The following CDK8 variants were observed in gnomAD, a reference collection of about 807,000 sequenced individuals.
CDK8 encodes cyclin dependent kinase 8, also known as cyclin-dependent kinase 8.
A neutral mutation model predicts 71.5 loss-of-function variants in CDK8; 29 were observed. That is an observed-to-expected ratio of 0.41 (90% CI 0.30 to 0.55). The LOEUF (loss-of-function observed/expected upper bound fraction) is 0.55, where lower values mean the gene tolerates loss of function less well. Among genes scored for constraint, CDK8 ranks in the 20% least tolerant of loss-of-function variants. The pLI is 0.37. For missense variants in CDK8, 288 were observed against 572.6 expected (o/e 0.50, Z 5.07); for synonymous variants, 161 against 192.1 (o/e 0.84, Z 1.34).
intron 1 of CDK8, among the ~76,000 whole-genome samples, chr13:26,333,398 C>T (rs1173838732): frequency 6.6e-6 from 1 of 152,072 alleles, no homozygotes; most frequent in Non-Finnish European, 1.5e-5. Context: ...CCTTGGCCTC[C>T]CAAAGTGCTG....
intron 4 of CDK8, among the ~76,000 whole-genome samples, chr13:26,365,352 T>G (rs2138018326): frequency 6.6e-6 from 1 of 152,304 alleles, no homozygotes; most frequent in East Asian, 1.9e-4. Flanking sequence ...TTTGGGTACA[T>G]GCCACATTTG....
At chr13:26,364,574 C>A (rs73160340) in intron 4 of CDK8, among the ~76,000 whole-genome samples, 5,860 of 152,086 alleles carry the variant, frequency 0.039, 147 homozygotes, top group Non-Finnish European at 0.054. Context: ...TCCTTCTATA[C>A]CTTTCAAATT....
chr13:26,396,282 C>T lies in CDK8; in HGVS notation c.791-3C>T. The T allele has an allele frequency of 1.6e-6, 2 of 1,274,204 alleles. No homozygotes were observed. Among genetic ancestry groups the T allele is most frequent in the Non-Finnish European group, 2.2e-6 (2 of 912,636 alleles). The allele number at this position is 1,274,204 out of a possible 1,614,324, so 78.9% of individuals were successfully genotyped here. A position where few individuals can be genotyped will look rare whatever the true frequency, so the allele number is the denominator to read the frequency against. On this transcript the variant is annotated splice_region_variant and splice_polypyrimidine_tract_variant and intron_variant, in intron 7 of 12. Transcript: ENST00000381527. ...CATAAAAATTTATCAATGTATTTCA[C>T]AGATAAAGATTGGGAAGATATAAAA...
chr13:26,284,140 T>C (rs1282954713), intron 1 of CDK8, among the ~76,000 whole-genome samples: 1 of 152,174 alleles, frequency 6.6e-6, no homozygotes, highest in Non-Finnish European at 1.5e-5. Context: ...ATAGCAAATG[T>C]GGTGCTGAGA....
intron 9 of CDK8, 139 bp from the exon 10 acceptor site, chr13:26,400,314 T>G: frequency 1.6e-6 from 1 of 629,034 alleles, no homozygotes; most frequent in Non-Finnish European, 2.9e-6. Flanking sequence ...CAACTAGGAG[T>G]TTTGTTGTTA....
chr13:26,352,939 A>C (rs1248318589), intron 3 of CDK8, among the ~76,000 whole-genome samples: 1 of 152,208 alleles, frequency 6.6e-6, no homozygotes, highest in Non-Finnish European at 1.5e-5. Flanking sequence ...TGTATTGGCC[A>C]AGGGTCTGCT....
intron 2 of CDK8, among the ~76,000 whole-genome samples, chr13:26,348,135 T>C (rs1338668458): frequency 2.6e-5 from 4 of 152,002 alleles, no homozygotes; most frequent in Non-Finnish European, 5.9e-5. Flanking sequence ...TATTTATCCA[T>C]AAAGAATGAA....
intron 6 of CDK8, among the ~76,000 whole-genome samples, chr13:26,386,627 A>G (rs1200682358): frequency 6.6e-6 from 1 of 152,194 alleles, no homozygotes; most frequent in Non-Finnish European, 1.5e-5. Context: ...GTTCTCATGT[A>G]AATTCCTTTG....
At chr13:26,302,885 A>G (rs546643924) in intron 1 of CDK8, among the ~76,000 whole-genome samples, 2 of 152,218 alleles carry the variant, frequency 1.3e-5, no homozygotes, top group African/African-American at 2.4e-5. Context: ...TGTTTTGTTT[A>G]GAGCTGGGAT....
chr13:26,270,233 AC>A (rs1440056959), intron 1 of CDK8, among the ~76,000 whole-genome samples: 1 of 152,044 alleles, frequency 6.6e-6, no homozygotes, highest in Non-Finnish European at 1.5e-5. Flanking sequence ...TACTAAAAAT[AC>A]GAAAATTAGC....
chr13:26,374,521 CTT>C (rs991892577), intron 4 of CDK8, among the ~76,000 whole-genome samples: 12 of 151,938 alleles, frequency 7.9e-5, no homozygotes, highest in African/African-American at 2.4e-4. Flanking sequence ...TAAAAACACT[CTT>C]ATAGTATATG....
chr13:26,376,467 A>G (rs754750477), intron 4 of CDK8, among the ~76,000 whole-genome samples: 2 of 152,210 alleles, frequency 1.3e-5, no homozygotes, highest in Non-Finnish European at 2.9e-5. Flanking sequence ...ATCCATTTCC[A>G]TCTATTAAAA....
chr13:26,254,823 G>A lies in CDK8; in HGVS notation c.128+54G>A, dbSNP rs1871444940. 6.3e-7 allele frequency: 1 copy of A among 1,591,538 alleles called. No individual in the cohort carries two copies. On this transcript the variant is annotated intron_variant, in intron 1 of 12. Coordinates refer to ENST00000381527, the MANE Select transcript of CDK8 (RefSeq NM_001260.3). The surrounding 1 kb of genome is among the most constrained non-coding windows in gnomAD (Gnocchi z 6.7). ...GCGCTGGGCGGCGCTCCCGCAGGCC[G>A]AGGCAGGTAGCCCGGAGGGAGAGCG...
rs953168751 is a variant in CDK8 at position 26,254,915 on chromosome 13, G to A, written c.128+146G>A. On this transcript the variant is annotated intron_variant, in intron 1 of 12. Transcript: ENST00000381527. The surrounding 1 kb of genome is among the most constrained non-coding windows in gnomAD (Gnocchi z 6.7). ...TCTGGCTCCGCCAGCCAGGTTTGGGGAGGAAGTGGTGTACGAGGGATCCAA... is the reference window on the plus strand; with the variant it reads ...TCTGGCTCCGCCAGCCAGGTTTGGGAAGGAAGTGGTGTACGAGGGATCCAA... 7.2e-5 allele frequency: 86 copies of A among 1,192,572 alleles called. No individual in the cohort carries two copies. In the Middle Eastern group the frequency reaches 1.2e-3, roughly 16 times the overall value. The allele number at this position is 1,192,572 out of a possible 1,614,324, so 73.9% of individuals were successfully genotyped here.
At chr13:26,339,756 A>AAATATATATATATATATATATAT (rs1555231154) in intron 2 of CDK8, among the ~76,000 whole-genome samples, 4 of 142,996 alleles carry the variant, frequency 2.8e-5, no homozygotes, top group African/African-American at 1.0e-4. Flanking sequence ...TTAAAAAAAA[A>AAATATATATATATATATATATAT]ATATATATAT....
chr13:26,395,432 G>A (rs1360334851), intron 7 of CDK8, among the ~76,000 whole-genome samples: 7 of 150,584 alleles, frequency 4.6e-5, no homozygotes, highest in African/African-American at 1.5e-4. Flanking sequence ...GGGGTGAGCC[G>A]AGATCGCACC....
chr13:26,286,759 C>T (rs913928922), intron 1 of CDK8, among the ~76,000 whole-genome samples: 11 of 152,148 alleles, frequency 7.2e-5, no homozygotes, highest in African/African-American at 2.7e-4. Flanking sequence ...AACTGTGCAT[C>T]TGACAAAGGA....
chr13:26,339,397 A>G (rs1204741286), intron 2 of CDK8, among the ~76,000 whole-genome samples: 1 of 152,030 alleles, frequency 6.6e-6, no homozygotes. Context: ...CCTTTGCAAA[A>G]AAAGAAAGTA....
intron 5 of CDK8, 100 bp from the exon 6 acceptor site, chr13:26,385,111 C>A (rs1565994941): frequency 1.0e-6 from 1 of 960,936 alleles, no homozygotes; most frequent in Non-Finnish European, 1.5e-6. Context: ...TAGAATTGAG[C>A]ACATTTTTCA....
Sources: allele counts gnomAD v4.1 joint callset (sites outside exome capture counted in the v4.1 genomes callset), GRCh38; gene constraint gnomAD v4.1.1; non-coding constraint Gnocchi (gnomAD v3.1); transcripts MANE v1.5; gene names NCBI Gene and HGNC (gene_info 2026-07-23, HGNC 2026-07-21).